The following MYO5B variants were observed in gnomAD, a reference collection of about 807,000 sequenced individuals.
MYO5B encodes the protein unconventional myosin-Vb.
Under a neutral mutation model 229.3 loss-of-function variants are expected in MYO5B, and 143 were observed. The observed-to-expected ratio is 0.62, with a 90% CI of 0.54 to 0.72. MYO5B has a LOEUF of 0.72. Among genes scored for constraint, MYO5B ranks in the 30% least tolerant of loss-of-function variants. MYO5B has a pLI of 0.00. For missense variants in MYO5B, 2,321 were observed against 2,331.0 expected (o/e 1.00, Z 0.09); for synonymous variants, 918 against 885.2 (o/e 1.04, Z -0.66).
At chr18:50,049,251 A>G (rs1224823223) in intron 2 of MYO5B, among the ~76,000 whole-genome samples, 1 of 152,236 alleles carries the variant, frequency 6.6e-6, no homozygotes, top group Non-Finnish European at 1.5e-5. Flanking sequence ...ACTGCTGTAT[A>G]ATCAGACTCT....
chr18:50,190,059 G>A (rs2033206569), intron 1 of MYO5B, among the ~76,000 whole-genome samples: 1 of 152,170 alleles, frequency 6.6e-6, no homozygotes, highest in African/African-American at 2.4e-5. Flanking sequence ...GAAGGCACTG[G>A]TTTCAAGGCA....
At chr18:50,058,196 G>A (rs2030598673) in intron 1 of MYO5B, among the ~76,000 whole-genome samples, 1 of 152,208 alleles carries the variant, frequency 6.6e-6, no homozygotes, top group Non-Finnish European at 1.5e-5. Context: ...GCCAGGTGCA[G>A]TGGCTCATGC....
intron 1 of MYO5B, among the ~76,000 whole-genome samples, chr18:50,150,160 A>G (rs202226536): frequency 0.084 from 10,687 of 127,924 alleles, 229 homozygotes; most frequent in East Asian, 0.17. Context: ...TTAGAATGGC[A>G]ATCATTAAAA....
chr18:49,929,373 T>C (rs967470290), intron 17 of MYO5B, 139 bp downstream of exon 17: 10 of 681,844 alleles, frequency 1.5e-5, no homozygotes, highest in African/African-American at 7.2e-5. Flanking sequence ...TCCATCAGCA[T>C]CCTGCTTGGG....
chr18:49,937,034 C>T lies in MYO5B; in HGVS notation c.1905+211G>A, dbSNP rs75336571. On this transcript the variant is annotated intron_variant, in intron 15 of 39. Coordinates refer to ENST00000285039, the MANE Select transcript of MYO5B (RefSeq NM_001080467.3). ...TTAACATACTTATGGAGGCTACGGT[C>T]GGCCCCTTCCCTCCTCCCTCTGTTA... Among the ~76,000 whole-genome samples the T allele has an allele frequency of 3.9e-3, 589 of 152,306 alleles. 5 individuals carry two copies. Among genetic ancestry groups the T allele is most frequent in the African/African-American group, 0.014 (569 of 41,568 alleles).
chr18:49,841,378 T>C lies in MYO5B; in HGVS notation c.4688A>G (p.Tyr1563Cys). 6.2e-7 allele frequency: 1 copy of C among 1,614,186 alleles called. No homozygotes were observed. Among genetic ancestry groups the C allele is most frequent in the Non-Finnish European group, 8.5e-7 (1 of 1,180,008 alleles). ...CTCCCCACTCACCTCATCCCCGCTGTACTGCTTCAGACAGTGAAGAAGGCG... is the reference window on the plus strand; with the variant it reads ...CTCCCCACTCACCTCATCCCCGCTGCACTGCTTCAGACAGTGAAGAAGGCG... ...TCRLLHCLKQ[Y>C]SGDEGFMTQN... The change falls in exon 35 of 40, where the codon TAC becomes TGC. Residue 1563 changes from tyrosine to cysteine, a missense_variant. Transcript: ENST00000285039.
intron 30 of MYO5B, 26 bp downstream of exon 30, chr18:49,856,787 C>A: frequency 6.3e-7 from 1 of 1,593,912 alleles, no homozygotes; most frequent in Non-Finnish European, 8.6e-7. Flanking sequence ...ACAAAGCAGA[C>A]ACAGGAAGAA....
At chr18:50,139,204 A>G (rs1299236908) in intron 1 of MYO5B, among the ~76,000 whole-genome samples, 1 of 152,208 alleles carries the variant, frequency 6.6e-6, no homozygotes, top group Non-Finnish European at 1.5e-5. Context: ...CATTGGTTCC[A>G]AGATGTGAGA....
At chr18:50,020,763 G>T (rs2144357687) in intron 4 of MYO5B, among the ~76,000 whole-genome samples, 1 of 152,322 alleles carries the variant, frequency 6.6e-6, no homozygotes, top group African/African-American at 2.4e-5. Context: ...GAGAGGTGTG[G>T]CATAGATGAC....
chr18:50,191,595 T>C (rs2033227575), intron 1 of MYO5B, among the ~76,000 whole-genome samples: 1 of 152,248 alleles, frequency 6.6e-6, no homozygotes, highest in Non-Finnish European at 1.5e-5. Flanking sequence ...AAGTATTGTC[T>C]TTAAAAGCAA....
At chr18:50,057,647 T>A (rs2030583846) in intron 1 of MYO5B, among the ~76,000 whole-genome samples, 1 of 152,132 alleles carries the variant, frequency 6.6e-6, no homozygotes, top group Admixed American at 6.5e-5. Flanking sequence ...TCTAGTTATA[T>A]AAATCTCTCC....
intron 3 of MYO5B, among the ~76,000 whole-genome samples, 179 bp from the exon 4 acceptor site, chr18:50,037,173 T>C (rs1433889914): frequency 1.3e-5 from 2 of 150,948 alleles, no homozygotes; most frequent in African/African-American, 4.9e-5. Flanking sequence ...GATCTCCAAA[T>C]ACCCTACAGC....
At chr18:50,192,387 A>G (rs543404750) in intron 1 of MYO5B, among the ~76,000 whole-genome samples, 15 of 152,376 alleles carry the variant, frequency 9.8e-5, no homozygotes, top group African/African-American at 2.4e-4. Flanking sequence ...ATCAAAGCAA[A>G]GACTGCCAAG....
At chr18:49,882,122 C>A (rs922089630) in intron 22 of MYO5B, among the ~76,000 whole-genome samples, 1 of 152,102 alleles carries the variant, frequency 6.6e-6, no homozygotes, top group Non-Finnish European at 1.5e-5. Context: ...AAAAAACAGG[C>A]AGGGAGAGAA....
At chr18:50,172,991 C>G (rs1033588853) in intron 1 of MYO5B, among the ~76,000 whole-genome samples, 1 of 152,196 alleles carries the variant, frequency 6.6e-6, no homozygotes, top group African/African-American at 2.4e-5. Flanking sequence ...GGGCCAGGCG[C>G]AGTGGCTCAC....
intron 1 of MYO5B, among the ~76,000 whole-genome samples, chr18:50,181,129 T>C (rs745876649): frequency 1.3e-5 from 2 of 152,244 alleles, no homozygotes; most frequent in African/African-American, 2.4e-5. Context: ...TTTAAATCAA[T>C]AGATATTTAT....
chr18:50,113,441 G>C (rs1372958832), intron 1 of MYO5B, among the ~76,000 whole-genome samples: 1 of 152,214 alleles, frequency 6.6e-6, no homozygotes, highest in Admixed American at 6.5e-5. Context: ...TTTGTGTTAA[G>C]ATGGGGGACA....
chr18:49,841,360 C>A lies in MYO5B; in HGVS notation c.4701+5G>T. The A allele has an allele frequency of 6.2e-7, 1 of 1,613,838 alleles. No homozygotes were observed. The highest frequency in any genetic ancestry group is 8.5e-7 in the Non-Finnish European group (1 of 1,179,706). ...TGCCTCCTGGGTGCCTGGCTCCCCACTCACCTCATCCCCGCTGTACTGCTT... is the reference window on the plus strand; with the variant it reads ...TGCCTCCTGGGTGCCTGGCTCCCCAATCACCTCATCCCCGCTGTACTGCTT... On this transcript the variant is annotated splice_donor_5th_base_variant and intron_variant, in intron 35 of 39. Coordinates refer to ENST00000285039, the MANE Select transcript of MYO5B (RefSeq NM_001080467.3).
chr18:50,142,739 AT>A (rs1357166990), intron 1 of MYO5B, among the ~76,000 whole-genome samples: 7 of 152,224 alleles, frequency 4.6e-5, no homozygotes, highest in Admixed American at 4.6e-4. Context: ...GCCTAAGATT[AT>A]AATGGCCATA....
Sources: gnomAD v4.1 joint callset for allele counts (sites outside exome capture counted in the v4.1 genomes callset) on GRCh38, gnomAD v4.1.1 for gene constraint, MANE v1.5 for transcripts, NCBI Gene and HGNC (gene_info 2026-07-23, HGNC 2026-07-21) for gene names.